MICU2: variants seen among roughly 807,000 people sequenced by gnomAD.
MICU2 encodes the protein calcium uptake protein 2, mitochondrial.
A neutral mutation model predicts 60.4 loss-of-function variants in MICU2; 64 were observed. The ratio of observed to expected loss-of-function variants is 1.06; its 90% CI spans 0.87 to 1.31. MICU2 has a LOEUF of 1.31. MICU2 is among the 50% of genes most tolerant of loss of function. The probability of loss-of-function intolerance (pLI) is 0.00; values close to 1 mark genes in which losing one functional copy is unlikely to be tolerated. For missense variants in MICU2, 569 were observed against 531.0 expected, an observed-to-expected ratio of 1.07 and a Z score of -0.70; for synonymous variants, 201 against 175.0, an observed-to-expected ratio of 1.15 and a Z score of -1.17.
Position 21,604,023 on chromosome 13 carries a change from CG to C in MICU2, c.125del (p.Ala42GlyfsTer36), listed in dbSNP as rs774813672. The C allele has an allele frequency of 6.8e-6, 11 of 1,608,496 alleles. No individual in the cohort carries two copies. Among genetic ancestry groups the C allele is most frequent in the Non-Finnish European group, 9.3e-6 (11 of 1,178,310 alleles). Reference sequence around the variant, plus strand: ...AGGCCGCTCCTGCTCCTGCCAGGGCCGCGCCGGCCACTGCCGCTGCCAAGGG... The same window carrying C: ...AGGCCGCTCCTGCTCCTGCCAGGGCCCGCCGGCCACTGCCGCTGCCAAGGG... ...PGPLAAAVAGAALAGAGAAWH... is the reference protein window; with the variant it reads ...PGPLAAAVAGXALAGAGAAWH... On this transcript the variant is annotated frameshift_variant, in exon 1 of 12. Transcript: ENST00000382374. LOFTEE classifies it high-confidence loss of function.
chr13:21,557,347 G>A (rs1887732577), intron 2 of MICU2, among the ~76,000 whole-genome samples: 1 of 152,142 alleles, frequency 6.6e-6, no homozygotes, highest in Non-Finnish European at 1.5e-5. Flanking sequence ...GAAGGGAAAT[G>A]GTATTCTGGC....
chr13:21,514,928 T>C (rs999089025), intron 6 of MICU2, among the ~76,000 whole-genome samples: 1 of 152,172 alleles, frequency 6.6e-6, no homozygotes, highest in Non-Finnish European at 1.5e-5. Flanking sequence ...AACATTATTA[T>C]TACTACAATC....
At chr13:21,597,974 A>G (rs903509527) in intron 1 of MICU2, among the ~76,000 whole-genome samples, 2 of 151,086 alleles carry the variant, frequency 1.3e-5, no homozygotes, top group Non-Finnish European at 2.9e-5. Context: ...GATAAGTACT[A>G]TGAAAGAAAA....
chr13:21,539,545 A>G (rs933058164), intron 3 of MICU2, 112 bp downstream of exon 3: 90 of 1,428,598 alleles, frequency 6.3e-5, no homozygotes, highest in South Asian at 1.5e-4. Context: ...TGATCCGCCC[A>G]CCTTGGCCTC....
chr13:21,513,052 C>T (rs1886471785), intron 7 of MICU2, among the ~76,000 whole-genome samples: 1 of 152,054 alleles, frequency 6.6e-6, no homozygotes, highest in African/African-American at 2.4e-5. Flanking sequence ...ATACACATGA[C>T]TGATTTTTGT....
intron 2 of MICU2, among the ~76,000 whole-genome samples, chr13:21,543,779 A>G (rs1248522760): frequency 6.7e-6 from 1 of 148,714 alleles, no homozygotes; most frequent in African/African-American, 2.5e-5. Context: ...CCTTATCAAA[A>G]TAACAATGAC....
chr13:21,541,845 A>G (rs898266934), intron 2 of MICU2, among the ~76,000 whole-genome samples: 13 of 152,198 alleles, frequency 8.5e-5, no homozygotes, highest in South Asian at 2.1e-4. Flanking sequence ...TACAAGTTCT[A>G]TTTGACATGT....
intron 1 of MICU2, among the ~76,000 whole-genome samples, chr13:21,592,772 T>G (rs1009865359): frequency 5.9e-5 from 9 of 152,196 alleles, no homozygotes; most frequent in African/African-American, 2.2e-4. Flanking sequence ...AACCACACGA[T>G]TATCTCAATA....
chr13:21,603,768 G>T, intron 1 of MICU2, 171 bp downstream of exon 1: 1 of 710,292 alleles, frequency 1.4e-6, no homozygotes, highest in Non-Finnish European at 2.3e-6. Context: ...CTCAGGCCGG[G>T]GGCCGGTCCA....
At chr13:21,567,095 A>G in intron 1 of MICU2, 151 bp from the exon 2 acceptor site, 1 of 641,010 alleles carries the variant, frequency 1.6e-6, no homozygotes, top group Non-Finnish European at 2.6e-6. Flanking sequence ...CTGAGTGCCT[A>G]CTTCGCACTG....
At chr13:21,594,407 T>C (rs765437729) in intron 1 of MICU2, among the ~76,000 whole-genome samples, 1 of 152,138 alleles carries the variant, frequency 6.6e-6, no homozygotes, top group Non-Finnish European at 1.5e-5. Flanking sequence ...TATGGAGAAA[T>C]AGGAACACTT....
At chr13:21,552,832 G>A (rs1163735886) in intron 2 of MICU2, among the ~76,000 whole-genome samples, 1 of 152,134 alleles carries the variant, frequency 6.6e-6, no homozygotes, top group Admixed American at 6.6e-5. Flanking sequence ...GGTTACTGTA[G>A]CCTTGTAGTA....
At chr13:21,582,182 C>G (rs903301554) in intron 1 of MICU2, among the ~76,000 whole-genome samples, 1 of 152,136 alleles carries the variant, frequency 6.6e-6, no homozygotes, top group African/African-American at 2.4e-5. Flanking sequence ...TCCAAAAGGG[C>G]CTGGACAGCT....
intron 6 of MICU2, among the ~76,000 whole-genome samples, chr13:21,519,074 T>G (rs922898697): frequency 2.6e-5 from 4 of 152,144 alleles, no homozygotes; most frequent in African/African-American, 9.7e-5. Context: ...TCTTTTTCAT[T>G]ATTTTTATTA....
In MICU2 at chr13:21,502,982, T is replaced by A; in HGVS notation, c.877A>T (p.Thr293Ser). The A allele has an allele frequency of 6.2e-7, 1 of 1,612,310 alleles. No homozygotes were observed. Among genetic ancestry groups the A allele is most frequent in the Non-Finnish European group, 8.5e-7 (1 of 1,179,616 alleles). Residue 293 changes from threonine (T) to serine (S), a missense_variant, in exon 9 of 12, where the codon ACT becomes TCT. Coordinates refer to ENST00000382374, the MANE Select transcript of MICU2 (RefSeq NM_152726.3). ...FAEWLLFFTN[T>S]ENKDIYWKNV... ...TTCCAATAAATATCTTTATTTTCAG[T>A]GTTAGTGAAAAAAAGTAGCCACTCT...
chr13:21,533,533 C>G (rs1887058064), intron 4 of MICU2, among the ~76,000 whole-genome samples: 1 of 152,016 alleles, frequency 6.6e-6, no homozygotes. Context: ...CCGTGTTAGC[C>G]AGGATGGTCT....
At chr13:21,561,014 A>T (rs1030444955) in intron 2 of MICU2, among the ~76,000 whole-genome samples, 2 of 152,192 alleles carry the variant, frequency 1.3e-5, no homozygotes, top group African/African-American at 4.8e-5. Flanking sequence ...ATTGGTTGAA[A>T]ATATTTTAAA....
At chr13:21,550,352 C>A (rs768631967) in intron 2 of MICU2, among the ~76,000 whole-genome samples, 1 of 152,082 alleles carries the variant, frequency 6.6e-6, no homozygotes, top group African/African-American at 2.4e-5. Context: ...GCCTGGGCAA[C>A]CAAGCAAAAC....
intron 2 of MICU2, among the ~76,000 whole-genome samples, chr13:21,565,411 A>G (rs941722471): frequency 6.6e-6 from 1 of 152,080 alleles, no homozygotes; most frequent in South Asian, 2.1e-4. Flanking sequence ...CAATCCCAGC[A>G]CTTTGGGAGG....
Sources: allele counts gnomAD v4.1 joint callset (sites outside exome capture counted in the v4.1 genomes callset), GRCh38; gene constraint gnomAD v4.1.1; transcripts MANE v1.5; gene names NCBI Gene and HGNC (gene_info 2026-07-23, HGNC 2026-07-21).